Variants in LARGE1 observed in about 807,000 individuals in gnomAD.
The protein encoded by LARGE1 is xylosyl- and glucuronyltransferase LARGE1.
Under a neutral mutation model 87.6 loss-of-function variants are expected in LARGE1, and 43 were observed. That is an observed-to-expected ratio of 0.49 (90% confidence interval 0.38 to 0.63). The LOEUF is 0.63. Among genes scored for constraint, LARGE1 ranks in the 30% least tolerant of loss-of-function variants. The probability of loss-of-function intolerance (pLI) is 0.00; values close to 1 mark genes in which losing one functional copy is unlikely to be tolerated. For missense variants in LARGE1, 802 were observed against 1,000.2 expected (o/e 0.80, Z 2.67); for synonymous variants, 434 against 394.6 (o/e 1.10, Z -1.18).
At chr22:33,549,770 G>A (rs1177121965) in intron 6 of LARGE1, among the ~76,000 whole-genome samples, 1 of 152,150 alleles carries the variant, frequency 6.6e-6, no homozygotes, top group East Asian at 1.9e-4. Context: ...AGAAGTTGTG[G>A]TGTTCCCAGC....
chr22:33,359,503 AC>A (rs1311852760), intron 9 of LARGE1, among the ~76,000 whole-genome samples: 1 of 151,264 alleles, frequency 6.6e-6, no homozygotes, highest in African/African-American at 2.4e-5. Context: ...TAGGATAAAC[AC>A]ACCTGAGAGC....
the LARGE1 span, among the ~76,000 whole-genome samples, chr22:33,145,139 T>A: frequency 6.6e-6 from 1 of 152,032 alleles, no homozygotes. Flanking sequence ...AGGAGGGAGA[T>A]GTCCATGTAC....
In LARGE1 at chr22:33,676,799, A is replaced by G. The variant is rs554138005; in HGVS notation, c.107-26131T>C. On this transcript the variant is annotated intron_variant, in intron 2 of 14. Transcript: ENST00000397394. ...GAAAGTGGCCACCAGAGATAGAGACATGGTTCTGTTTCAGTAGAAGTATAT... is the reference window on the plus strand; with the variant it reads ...GAAAGTGGCCACCAGAGATAGAGACGTGGTTCTGTTTCAGTAGAAGTATAT... Among the ~76,000 whole-genome samples the G allele has an allele frequency of 7.9e-5, 12 of 152,270 alleles. No individual in the cohort carries two copies. The South Asian group carries it at 2.5e-3, about 32-fold the overall frequency.
intron 6 of LARGE1, among the ~76,000 whole-genome samples, chr22:33,529,756 A>T (rs2072104260): frequency 6.6e-6 from 1 of 152,206 alleles, no homozygotes. Context: ...ACGGGCTTCA[A>T]AGGCAAACCC....
downstream of LARGE1, among the ~76,000 whole-genome samples, chr22:33,268,429 CTT>C (rs71320968): frequency 2.3e-4 from 30 of 132,914 alleles, no homozygotes; most frequent in African/African-American, 4.9e-4. Context: ...TGTTAAAAAA[CTT>C]TTTTTTTTTT....
At chr22:33,695,060 C>A (rs530206845) in intron 2 of LARGE1, among the ~76,000 whole-genome samples, 1 of 151,916 alleles carries the variant, frequency 6.6e-6, no homozygotes, top group East Asian at 1.9e-4. Context: ...ACCCTTGTCC[C>A]ATAAAGCAAT....
chr22:33,847,843 C>A (rs1299522695), intron 1 of LARGE1, among the ~76,000 whole-genome samples: 1 of 152,234 alleles, frequency 6.6e-6, no homozygotes, highest in African/African-American at 2.4e-5. Context: ...TTTCTACTGC[C>A]TTAACTCGCT....
At chr22:33,323,631 G>A (rs764810350) in intron 10 of LARGE1, among the ~76,000 whole-genome samples, 2 of 151,890 alleles carry the variant, frequency 1.3e-5, no homozygotes, top group African/African-American at 2.4e-5. Context: ...AAAGACGAAA[G>A]GAAAAAGAAA....
the LARGE1 span, among the ~76,000 whole-genome samples, chr22:33,081,518 C>T: frequency 1.3e-5 from 2 of 152,096 alleles, no homozygotes; most frequent in African/African-American, 4.8e-5. Context: ...AGGAAGAAAA[C>T]AGTAGGCAAT....
At chr22:33,779,196 G>C in intron 1 of LARGE1, among the ~76,000 whole-genome samples, 1 of 152,092 alleles carries the variant, frequency 6.6e-6, no homozygotes, top group Non-Finnish European at 1.5e-5. Flanking sequence ...TAAATTTCTA[G>C]AATTTAGCAC....
chr22:33,786,481 C>G (rs1403037193), intron 1 of LARGE1, among the ~76,000 whole-genome samples: 3 of 152,164 alleles, frequency 2.0e-5, no homozygotes, highest in African/African-American at 7.2e-5. Context: ...ACTCTTCTCT[C>G]CAAGAGATAG....
At chr22:33,495,538 G>A (rs1221676518) in intron 6 of LARGE1, among the ~76,000 whole-genome samples, 1 of 151,994 alleles carries the variant, frequency 6.6e-6, no homozygotes, top group Non-Finnish European at 1.5e-5. Context: ...GACAGACATG[G>A]TGAAATCCTG....
At position 33,644,488 on chromosome 22, in the gene LARGE1, T is replaced by C. The variant is rs540331214; in HGVS notation, c.408+5879A>G. On this transcript the variant is annotated intron_variant, in intron 3 of 14. Coordinates refer to ENST00000397394, the MANE Select transcript of LARGE1 (RefSeq NM_133642.5). ...TGGGCAAAAGCTGGAAGCATTCCCTTTGAAAACTGGCACAAGACAAGGATG... is the reference window on the plus strand; with the variant it reads ...TGGGCAAAAGCTGGAAGCATTCCCTCTGAAAACTGGCACAAGACAAGGATG... Among the ~76,000 whole-genome samples, 27 of 152,332 alleles carry C rather than the reference T, an allele frequency of 1.8e-4. 1 individual carries two copies. The South Asian group carries it at 4.8e-3, about 27-fold the overall frequency.
chr22:33,153,751 C>T, the LARGE1 span, among the ~76,000 whole-genome samples: 1 of 152,194 alleles, frequency 6.6e-6, no homozygotes, highest in African/African-American at 2.4e-5. Context: ...TATCCTTGAG[C>T]TTTATTTGCA....
At chr22:33,516,074 T>C (rs2071289847) in intron 6 of LARGE1, among the ~76,000 whole-genome samples, 1 of 152,052 alleles carries the variant, frequency 6.6e-6, no homozygotes, top group South Asian at 2.1e-4. Flanking sequence ...AGCTGAGAGT[T>C]TGTTGCAGAG....
At chr22:33,781,585 C>T (rs1288070309) in intron 1 of LARGE1, among the ~76,000 whole-genome samples, 1 of 152,170 alleles carries the variant, frequency 6.6e-6, no homozygotes, top group Non-Finnish European at 1.5e-5. Flanking sequence ...CATCCAAAGA[C>T]CAAGGCAGCT....
chr22:33,153,634 A>G, the LARGE1 span, among the ~76,000 whole-genome samples: 1 of 152,042 alleles, frequency 6.6e-6, no homozygotes, highest in Non-Finnish European at 1.5e-5. Context: ...CTGCAACTTA[A>G]ATTAAGGTCT....
intron 11 of LARGE1, among the ~76,000 whole-genome samples, chr22:33,185,440 G>A (rs1232433066): frequency 6.6e-6 from 1 of 152,138 alleles, no homozygotes; most frequent in Admixed American, 6.5e-5. Context: ...AGGATTTTTA[G>A]GGCAGTTAAA....
intron 7 of LARGE1, among the ~76,000 whole-genome samples, chr22:33,411,243 C>T (rs1468862257): frequency 1.3e-5 from 2 of 152,210 alleles, no homozygotes; most frequent in African/African-American, 2.4e-5. Context: ...CTCACTTATC[C>T]AGGTGTTGGA....
Sources: gnomAD v4.1 joint callset for allele counts (sites outside exome capture counted in the v4.1 genomes callset) on GRCh38, gnomAD v4.1.1 for gene constraint, MANE v1.5 for transcripts, NCBI Gene and HGNC (gene_info 2026-07-23, HGNC 2026-07-21) for gene names.